Variants in TRAPPC9 observed in about 807,000 individuals in gnomAD.
TRAPPC9 encodes the protein trafficking protein particle complex subunit 9.
Under a neutral mutation model 124.0 loss-of-function variants are expected in TRAPPC9, and 83 were observed. The ratio of observed to expected loss-of-function variants is 0.67; its 90% CI spans 0.56 to 0.80. The LOEUF (loss-of-function observed/expected upper bound fraction) is 0.80, where lower values mean the gene tolerates loss of function less well. TRAPPC9 is among the 30% of genes least tolerant of loss of function. The pLI, the probability that TRAPPC9 is intolerant of heterozygous loss-of-function variation, is 0.00. For synonymous variants in TRAPPC9, 638 were observed against 617.5 expected (o/e 1.03, Z -0.49); for missense variants, 1,302 against 1,508.3 (o/e 0.86, Z 2.27).
intron 5 of TRAPPC9, among the ~76,000 whole-genome samples, chr8:140,421,984 CAAAAAAAAAAAA>C (rs35152459): frequency 1.4e-4 from 6 of 43,986 alleles, no homozygotes; most frequent in Non-Finnish European, 1.9e-4. Flanking sequence ...TCCCTCATGA[CAAAAAAAAAAAA>C]AAAAAAAAAA....
chr8:140,134,267 C>CTTTTTT (rs61492002), intron 17 of TRAPPC9, among the ~76,000 whole-genome samples: 1 of 149,746 alleles, frequency 6.7e-6, no homozygotes, highest in Non-Finnish European at 1.5e-5. Context: ...TGATTGTCTT[C>CTTTTTT]TTTTTTTTTT....
At chr8:139,795,297 G>C (rs527446690) in intron 21 of TRAPPC9, among the ~76,000 whole-genome samples, 1 of 152,080 alleles carries the variant, frequency 6.6e-6, no homozygotes, top group African/African-American at 2.4e-5. Context: ...GCACTGCCGA[G>C]AAGTCAGGAG....
intron 21 of TRAPPC9, among the ~76,000 whole-genome samples, chr8:139,743,425 T>C (rs1004017383): frequency 1.3e-5 from 2 of 152,226 alleles, no homozygotes; most frequent in African/African-American, 4.8e-5. Flanking sequence ...TGGAAATACA[T>C]GACTTGAAGA....
chr8:139,993,729 GC>G (rs1837786961), intron 18 of TRAPPC9, among the ~76,000 whole-genome samples: 1 of 152,092 alleles, frequency 6.6e-6, no homozygotes, highest in Non-Finnish European at 1.5e-5. Flanking sequence ...AGAACTATAT[GC>G]CCCACCACAG....
At chr8:140,296,059 C>T (rs776399652) in intron 11 of TRAPPC9, among the ~76,000 whole-genome samples, 7 of 152,064 alleles carry the variant, frequency 4.6e-5, no homozygotes, top group Admixed American at 6.5e-5. Flanking sequence ...TGGCATGGAG[C>T]CCGGGGAATG....
intron 20 of TRAPPC9, among the ~76,000 whole-genome samples, chr8:139,886,630 A>T (rs1033900159): frequency 6.6e-6 from 1 of 152,226 alleles, no homozygotes; most frequent in Non-Finnish European, 1.5e-5. Context: ...TTGCAATAAA[A>T]GGGGAAAATT....
At chr8:139,840,659 G>A (rs1586961570) in intron 21 of TRAPPC9, among the ~76,000 whole-genome samples, 1 of 152,166 alleles carries the variant, frequency 6.6e-6, no homozygotes, top group African/African-American at 2.4e-5. Context: ...GAGGGTGGCG[G>A]TTTCCACGCG....
intron 21 of TRAPPC9, among the ~76,000 whole-genome samples, chr8:139,820,007 CAAAAAA>C (rs35064399): frequency 9.6e-5 from 5 of 51,818 alleles, no homozygotes; most frequent in Non-Finnish European, 1.6e-4. Flanking sequence ...GACTCTGTCT[CAAAAAA>C]AAAAAAAAAA....
At chr8:140,440,720 G>A (rs949989207) in intron 2 of TRAPPC9, among the ~76,000 whole-genome samples, 14 of 151,882 alleles carry the variant, frequency 9.2e-5, no homozygotes, top group Non-Finnish European at 1.3e-4. Flanking sequence ...CAATTCAGTC[G>A]TAGGGAGAGG....
At chr8:140,375,853 G>A (rs538269751) in intron 7 of TRAPPC9, among the ~76,000 whole-genome samples, 2 of 152,288 alleles carry the variant, frequency 1.3e-5, no homozygotes, top group South Asian at 4.2e-4. Flanking sequence ...GGGGCAGCCT[G>A]GTGGCCGCAC....
At chr8:140,006,933 C>T (rs1298897707) in intron 18 of TRAPPC9, among the ~76,000 whole-genome samples, 1 of 152,120 alleles carries the variant, frequency 6.6e-6, no homozygotes, top group Non-Finnish European at 1.5e-5. Flanking sequence ...TCTGAATATA[C>T]TAAAACGTTG....
intron 17 of TRAPPC9, among the ~76,000 whole-genome samples, chr8:140,081,346 C>CAT (rs35254769): frequency 0.1 from 14,501 of 140,940 alleles, 1,040 homozygotes; most frequent in African/African-American, 0.13. Flanking sequence ...AAAATGAATG[C>CAT]TTTTTTTTTT....
At chr8:140,123,904 C>A (rs1000576439) in intron 17 of TRAPPC9, among the ~76,000 whole-genome samples, 1 of 152,134 alleles carries the variant, frequency 6.6e-6, no homozygotes, top group Non-Finnish European at 1.5e-5. Context: ...TGGTAACAAG[C>A]AGCCTCCAAA....
At chr8:140,364,605 C>A (rs905926938) in intron 8 of TRAPPC9, among the ~76,000 whole-genome samples, 1 of 151,736 alleles carries the variant, frequency 6.6e-6, no homozygotes, top group Non-Finnish European at 1.5e-5. Flanking sequence ...TTTTTCGAGA[C>A]GGAGTCTCGC....
chr8:140,219,918 G>A (rs187682001), intron 17 of TRAPPC9, among the ~76,000 whole-genome samples: 14 of 152,206 alleles, frequency 9.2e-5, no homozygotes, highest in African/African-American at 2.2e-4. Context: ...CCCAAGGCAC[G>A]TGCAGATCCA....
At chr8:139,873,175 G>C (rs1436171884) in intron 21 of TRAPPC9, among the ~76,000 whole-genome samples, 1 of 152,104 alleles carries the variant, frequency 6.6e-6, no homozygotes, top group Non-Finnish European at 1.5e-5. Context: ...GTAAGCGAAT[G>C]AAAGTCTAGA....
intron 19 of TRAPPC9, among the ~76,000 whole-genome samples, chr8:139,961,131 GAAACCCACATGTGTCCTCGGAC>G (rs1587349623): frequency 1.6e-5 from 2 of 125,044 alleles, no homozygotes; most frequent in East Asian, 2.2e-4. Flanking sequence ...AGGACAGCAG[GAAACCCACATGTGTCCTCGGAC>G]AAACCCACGT....
At chr8:140,006,785 G>A (rs4736014) in intron 18 of TRAPPC9, among the ~76,000 whole-genome samples, 70,124 of 151,966 alleles carry the variant, frequency 0.46, 16,343 homozygotes, top group East Asian at 0.6. Flanking sequence ...AGAGACAGAA[G>A]GTAGATTAGT....
chr8:139,797,062 A>G (rs1823151346), intron 21 of TRAPPC9, among the ~76,000 whole-genome samples: 1 of 152,144 alleles, frequency 6.6e-6, no homozygotes, highest in Non-Finnish European at 1.5e-5. Flanking sequence ...AAAAATTTCT[A>G]TTCAAGTCCT....
Sources: allele counts gnomAD v4.1 joint callset (sites outside exome capture counted in the v4.1 genomes callset), GRCh38; gene constraint gnomAD v4.1.1; transcripts MANE v1.5; gene names NCBI Gene and HGNC (gene_info 2026-07-23, HGNC 2026-07-21).